OLFM1: variants seen among roughly 807,000 people sequenced by gnomAD.
OLFM1 encodes noelin.
OLFM1 carries 9 observed loss-of-function variants against 49.7 expected under a neutral mutation model. The observed-to-expected ratio is 0.18, with a 90% confidence interval of 0.11 to 0.32. The LOEUF (loss-of-function observed/expected upper bound fraction) is 0.32, where lower values mean the gene tolerates loss of function less well. Ranked by LOEUF, OLFM1 falls within the 10% of genes least tolerant of loss-of-function variation. The pLI, the probability that OLFM1 is intolerant of heterozygous loss-of-function variation, is 1.00. For synonymous variants in OLFM1, 240 were observed against 271.8 expected (o/e 0.88, Z 1.15); for missense variants, 369 against 661.8 (o/e 0.56, Z 4.85).
chr9:135,084,318 TCTCTTCTC>T (rs1478477490), upstream of OLFM1, among the ~76,000 whole-genome samples: 1 of 151,052 alleles, frequency 6.6e-6, no homozygotes, highest in African/African-American at 2.5e-5. This position sits in a 1 kb window ranked among gnomAD's most constrained non-coding sequence, Gnocchi z 4.6. Context: ...CTTCTCTCTC[TCTCTTCTC>T]TCTCTGTCTC....
chr9:135,095,055 A>T (rs1830768719), intron 2 of OLFM1: 1 of 152,212 alleles, frequency 6.6e-6, no homozygotes, highest in African/African-American at 2.4e-5. Flanking sequence ...ATGCACTGGC[A>T]GGTGGCTGCA....
In OLFM1 at chr9:135,106,778, C is replaced by A; in HGVS notation, c.706C>A (p.Pro236Thr). 1 of 1,613,712 alleles carries A rather than the reference C, an allele frequency of 6.2e-7. No homozygotes were observed. The highest frequency in any genetic ancestry group is 8.5e-7 in the Non-Finnish European group (1 of 1,179,920). The part of the protein sequence containing the change: ...ACGKLTGISD[P>T]VTVKTSGSRF... ...CGGGAAGTTGACGGGCATCAGTGAC[C>A]CCGTGACTGTCAAGACCTCCGGCTC... is the stretch of plus-strand genomic sequence containing the variant. The change falls in exon 5 of 6, where the codon CCC (proline) becomes ACC (threonine). Residue 236 changes from proline to threonine, a missense_variant. By Grantham distance (38) the Pro-to-Thr change is conservative (BLOSUM62 -1). Transcript: ENST00000371793.
chr9:135,108,418 G>T (rs913475660), intron 5 of OLFM1, among the ~76,000 whole-genome samples: 6 of 152,104 alleles, frequency 3.9e-5, no homozygotes, highest in African/African-American at 1.4e-4. Flanking sequence ...CGGATCACCT[G>T]AAGTCAGGAG....
intron 4 of OLFM1, among the ~76,000 whole-genome samples, chr9:135,102,295 C>T (rs1263052981): frequency 6.6e-6 from 1 of 152,210 alleles, no homozygotes; most frequent in Non-Finnish European, 1.5e-5. Flanking sequence ...GAGAGAGGGT[C>T]TGTCTTCTCC....
rs1436137481 is a variant in OLFM1 at position 135,098,032 on chromosome 9, T to G, written c.457-254T>G. ...TTTGAAAAAGAAAGAAAAAAAAAAC[T>G]TCGTGTATGTGACTCAAAGCATGTA... On this transcript the variant is annotated intron_variant, in intron 3 of 5. Transcript: ENST00000371793. The surrounding 1 kb of genome is among the most constrained non-coding windows in gnomAD (Gnocchi z 5.6). The G allele has an allele frequency of 7.1e-7, 1 of 1,416,714 alleles. No homozygotes were observed. Among genetic ancestry groups the G allele is most frequent in the Non-Finnish European group, 9.2e-7 (1 of 1,092,504 alleles). The allele number at this position is 1,416,714 out of a possible 1,614,324, so 87.8% of individuals were successfully genotyped here.
At chr9:135,104,941 C>T (rs1446772828) in intron 4 of OLFM1, among the ~76,000 whole-genome samples, 2 of 152,204 alleles carry the variant, frequency 1.3e-5, no homozygotes, top group Non-Finnish European at 2.9e-5. Flanking sequence ...ACTTCTCAGA[C>T]CCCCCACATC....
intron 4 of OLFM1, among the ~76,000 whole-genome samples, chr9:135,100,662 A>T (rs1830858610): frequency 6.6e-6 from 1 of 152,240 alleles, no homozygotes; most frequent in Non-Finnish European, 1.5e-5. Context: ...TTTGTAAGGT[A>T]GTAAATGCCA....
At chr9:135,081,449 G>A (rs1305116809) in intron 1 of OLFM1, among the ~76,000 whole-genome samples, 3 of 152,034 alleles carry the variant, frequency 2.0e-5, no homozygotes, top group African/African-American at 7.2e-5. Flanking sequence ...CCTTGAAAAC[G>A]GGCTTTTGAA....
intron 1 of OLFM1, among the ~76,000 whole-genome samples, chr9:135,089,302 T>A (rs1422968286): frequency 6.6e-6 from 1 of 152,202 alleles, no homozygotes; most frequent in Non-Finnish European, 1.5e-5. Flanking sequence ...CCCATCTTCA[T>A]GCTAAAAATA....
chr9:135,094,372 A>G (rs745909738), intron 2 of OLFM1, among the ~76,000 whole-genome samples: 5 of 152,230 alleles, frequency 3.3e-5, no homozygotes, highest in Non-Finnish European at 7.3e-5. Context: ...GTTTTAACTC[A>G]GTCCATCAGA....
chr9:135,115,881 G>A (rs556987215), intron 5 of OLFM1, among the ~76,000 whole-genome samples: 2 of 152,364 alleles, frequency 1.3e-5, no homozygotes, highest in South Asian at 2.1e-4. Flanking sequence ...GCCAGCGTCC[G>A]GCACAGTGAA....
chr9:135,111,305 G>A (rs1167551877), intron 5 of OLFM1, among the ~76,000 whole-genome samples: 1 of 152,206 alleles, frequency 6.6e-6, no homozygotes, highest in Non-Finnish European at 1.5e-5. Flanking sequence ...AGGGGATTTG[G>A]GCAGGAACTT....
chr9:135,118,246 C>T (rs1041790038), intron 5 of OLFM1, among the ~76,000 whole-genome samples: 5 of 151,808 alleles, frequency 3.3e-5, no homozygotes, highest in East Asian at 1.9e-4. Context: ...GAAGTCCTCA[C>T]TGGGTCTTTG....
rs1431614351 is a variant in OLFM1 at position 135,095,852 on chromosome 9, C to T, written c.301-12C>T. The T allele has an allele frequency of 1.9e-6, 3 of 1,611,984 alleles. No individual in the cohort carries two copies. Among genetic ancestry groups the T allele is most frequent in the South Asian group, 2.2e-5 (2 of 90,964 alleles). On this transcript the variant is annotated splice_polypyrimidine_tract_variant and intron_variant, in intron 2 of 5. Transcript: ENST00000371793. ...TGCGGCTGTTTTGCTGAACCTGTTG[C>T]CCTTTTGACAGGTGCAGAACATGTC... is the stretch of plus-strand genomic sequence containing the variant.
chr9:135,092,580 G>T (rs1412911547), intron 2 of OLFM1, among the ~76,000 whole-genome samples: 1 of 152,168 alleles, frequency 6.6e-6, no homozygotes, highest in African/African-American at 2.4e-5. Flanking sequence ...ACTTGGAGGG[G>T]CCTCTGGGCT....
At chr9:135,102,189 C>T (rs1830879619) in intron 4 of OLFM1, among the ~76,000 whole-genome samples, 1 of 152,210 alleles carries the variant, frequency 6.6e-6, no homozygotes, top group Admixed American at 6.5e-5. Flanking sequence ...GTGCTTGGCT[C>T]TGGCACCATG....
At chr9:135,075,947 G>A (rs1830459079) in intron 1 of OLFM1, 2 of 1,291,682 alleles carry the variant, frequency 1.5e-6, no homozygotes, top group Non-Finnish European at 2.0e-6. Context: ...TGGGGAGGGG[G>A]CCAGGGCGCT....
intron 5 of OLFM1, 86 bp from the exon 6 acceptor site, chr9:135,119,418 C>A: frequency 8.5e-7 from 1 of 1,171,550 alleles, no homozygotes; most frequent in Admixed American, 2.0e-5. Flanking sequence ...GGAGTACTCA[C>A]TGGATCTTTG....
intron 4 of OLFM1, among the ~76,000 whole-genome samples, chr9:135,100,889 G>A (rs1243732442): frequency 2.0e-5 from 3 of 151,572 alleles, no homozygotes; most frequent in Non-Finnish European, 4.4e-5. Context: ...ACAGCTGACT[G>A]ATAACTGGAT....
Sources: allele counts gnomAD v4.1 joint callset (sites outside exome capture counted in the v4.1 genomes callset), GRCh38; gene constraint gnomAD v4.1.1; non-coding constraint Gnocchi (gnomAD v3.1); transcripts MANE v1.5; gene names NCBI Gene and HGNC (gene_info 2026-07-23, HGNC 2026-07-21).